The following SAMD4A variants were observed in gnomAD, a reference collection of about 807,000 sequenced individuals.
The protein encoded by SAMD4A is sterile alpha motif domain containing 4A, also known as protein Smaug homolog 1.
In SAMD4A, 33 loss-of-function variants were observed where a neutral mutation model predicts 81.3. That is an observed-to-expected ratio of 0.41 (90% confidence interval 0.31 to 0.54). SAMD4A has a LOEUF of 0.54. Among genes scored for constraint, SAMD4A ranks in the 20% least tolerant of loss-of-function variants. SAMD4A has a pLI of 0.37. For synonymous variants in SAMD4A, 389 were observed against 382.1 expected (o/e 1.02, Z -0.21); for missense variants, 854 against 951.1 (o/e 0.90, Z 1.34).
chr14:54,569,573 G>C (rs2033067935), intron 2 of SAMD4A, among the ~76,000 whole-genome samples: 1 of 152,184 alleles, frequency 6.6e-6, no homozygotes, highest in South Asian at 2.1e-4. Flanking sequence ...ATAAATAGCT[G>C]GAGGGCCAGC....
chr14:54,643,226 G>A (rs960648802), intron 2 of SAMD4A, among the ~76,000 whole-genome samples: 2 of 152,152 alleles, frequency 1.3e-5, no homozygotes, highest in Non-Finnish European at 2.9e-5. Context: ...GAACTCTAAG[G>A]GGGACAGAAA....
At chr14:54,778,402 G>A (rs1483114469) in intron 11 of SAMD4A, among the ~76,000 whole-genome samples, 1 of 152,226 alleles carries the variant, frequency 6.6e-6, no homozygotes, top group African/African-American at 2.4e-5. Context: ...GGGCAACTAT[G>A]AACCTAATAT....
intron 8 of SAMD4A, 23 bp downstream of exon 8, chr14:54,764,563 A>T: frequency 5.3e-6 from 8 of 1,509,034 alleles, no homozygotes; most frequent in Non-Finnish European, 7.3e-6. Context: ...AGGTTTTACA[A>T]AACCATTTTT....
At chr14:54,698,002 C>G (rs1338754640) in intron 2 of SAMD4A, among the ~76,000 whole-genome samples, 1 of 152,168 alleles carries the variant, frequency 6.6e-6, no homozygotes, top group African/African-American at 2.4e-5. Context: ...GGCCATAATG[C>G]CTTTTATAAC....
At chr14:54,745,426 A>G (rs1309753202) in intron 4 of SAMD4A, among the ~76,000 whole-genome samples, 1 of 152,086 alleles carries the variant, frequency 6.6e-6, no homozygotes, top group Admixed American at 6.5e-5. Flanking sequence ...ATCCTAGTGG[A>G]GACACCAAGT....
At position 54,678,550 on chromosome 14, in the gene SAMD4A, CT is replaced by C. The variant is rs758208282; in HGVS notation, c.197-23496del. On this transcript the variant is annotated intron_variant, in intron 2 of 12. Transcript: ENST00000554335. ...TGGGGAGGGGTATGGAATATATGATCTTTTTTTTTTTTTTTTGAGACGGAGT... is the reference window on the plus strand; with the variant it reads ...TGGGGAGGGGTATGGAATATATGATCTTTTTTTTTTTTTTTGAGACGGAGT... 6.5e-3 allele frequency among the ~76,000 whole-genome samples: 592 copies of C among 91,648 alleles called. 1 individual carries two copies. Among genetic ancestry groups the C allele is most frequent in the African/African-American group, 0.027 (527 of 19,408 alleles). The allele number at this position is 91,648 out of a possible 152,430, so 60.1% of individuals were successfully genotyped here. A position where few individuals can be genotyped will look rare whatever the true frequency, so the allele number is the denominator to read the frequency against.
chr14:54,604,902 A>G (rs1389846914), intron 2 of SAMD4A, among the ~76,000 whole-genome samples: 1 of 152,202 alleles, frequency 6.6e-6, no homozygotes, highest in Admixed American at 6.5e-5. Flanking sequence ...GTGCATTTCT[A>G]GACTGCTTTA....
At chr14:54,575,620 A>G (rs979708838) in intron 2 of SAMD4A, among the ~76,000 whole-genome samples, 1 of 152,198 alleles carries the variant, frequency 6.6e-6, no homozygotes, top group Non-Finnish European at 1.5e-5. Flanking sequence ...AGGCACTTTG[A>G]GGTCACTTTG....
At chr14:54,758,022 G>C (rs945441245) in intron 6 of SAMD4A, among the ~76,000 whole-genome samples, 1 of 152,214 alleles carries the variant, frequency 6.6e-6, no homozygotes, top group Non-Finnish European at 1.5e-5. Flanking sequence ...CAGCAGGGAA[G>C]GAGTGATCAG....
chr14:54,770,774 T>C (rs2038682315), intron 9 of SAMD4A, among the ~76,000 whole-genome samples: 1 of 152,202 alleles, frequency 6.6e-6, no homozygotes, highest in South Asian at 2.1e-4. Context: ...ATAAGCCTGG[T>C]TGTACTTTAG....
upstream of SAMD4A, among the ~76,000 whole-genome samples, chr14:54,565,890 G>T (rs973976668): frequency 6.6e-6 from 1 of 151,738 alleles, no homozygotes; most frequent in Non-Finnish European, 1.5e-5. This position sits in a 1 kb window ranked among gnomAD's most constrained non-coding sequence, Gnocchi z 5.4. Flanking sequence ...TGCGCCACCA[G>T]CTCCTCCCAC....
At chr14:54,745,514 T>C (rs1435545215) in intron 4 of SAMD4A, among the ~76,000 whole-genome samples, 3 of 152,190 alleles carry the variant, frequency 2.0e-5, no homozygotes, top group Non-Finnish European at 4.4e-5. Context: ...TAGAACCCTA[T>C]GTATACTCAG....
At chr14:54,574,429 A>T (rs760517757) in intron 2 of SAMD4A, among the ~76,000 whole-genome samples, 3 of 152,160 alleles carry the variant, frequency 2.0e-5, no homozygotes, top group Non-Finnish European at 2.9e-5. Flanking sequence ...TGCCAGTTTC[A>T]TCAAGAAAAC....
chr14:54,576,106 A>G (rs1594683115), intron 2 of SAMD4A, among the ~76,000 whole-genome samples: 1 of 138,314 alleles, frequency 7.2e-6, no homozygotes, highest in African/African-American at 2.8e-5. Context: ...ACTGGATGGG[A>G]GAGTTCTCTT....
chr14:54,651,857 T>C (rs1167664905), intron 2 of SAMD4A, among the ~76,000 whole-genome samples: 2 of 152,206 alleles, frequency 1.3e-5, no homozygotes, highest in African/African-American at 4.8e-5. Flanking sequence ...GCCATGACTC[T>C]TATATAGACA....
At chr14:54,618,084 A>G (rs1370771461) in intron 2 of SAMD4A, among the ~76,000 whole-genome samples, 2 of 152,240 alleles carry the variant, frequency 1.3e-5, no homozygotes, top group East Asian at 1.9e-4. Flanking sequence ...TTTGGTGACA[A>G]ACTTTGTAAG....
chr14:54,761,168 C>T (rs554028588), intron 7 of SAMD4A, among the ~76,000 whole-genome samples: 8 of 152,330 alleles, frequency 5.3e-5, no homozygotes, highest in South Asian at 2.1e-4. Context: ...CACAGTTCTC[C>T]GTGCTTTACC....
chr14:54,678,768 T>C (rs1383733381), intron 2 of SAMD4A, among the ~76,000 whole-genome samples: 1 of 152,096 alleles, frequency 6.6e-6, no homozygotes, highest in Admixed American at 6.6e-5. Flanking sequence ...CAGGATGGTC[T>C]CGATCTCCTG....
intron 3 of SAMD4A, among the ~76,000 whole-genome samples, chr14:54,711,055 G>A (rs2036978190): frequency 6.6e-6 from 1 of 152,194 alleles, no homozygotes; most frequent in South Asian, 2.1e-4. Context: ...TGGCATGTGA[G>A]CTGAAGCTTG....
Sources: allele counts gnomAD v4.1 joint callset (sites outside exome capture counted in the v4.1 genomes callset), GRCh38; gene constraint gnomAD v4.1.1; non-coding constraint Gnocchi (gnomAD v3.1); transcripts MANE v1.5; gene names NCBI Gene and HGNC (gene_info 2026-07-23, HGNC 2026-07-21).